The following TRPC7 variants were observed in gnomAD, a reference collection of about 807,000 sequenced individuals.
The protein encoded by TRPC7 is transient receptor potential cation channel subfamily C member 7, also known as short transient receptor potential channel 7.
TRPC7 carries 42 observed loss-of-function variants against 90.1 expected under a neutral mutation model. The ratio of observed to expected loss-of-function variants is 0.47; its 90% confidence interval spans 0.36 to 0.60. The LOEUF is 0.60. Ranked by LOEUF, TRPC7 falls within the 20% of genes least tolerant of loss-of-function variation. TRPC7 has a pLI of 0.00. For synonymous variants in TRPC7, 451 were observed against 436.3 expected (o/e 1.03, Z -0.42); for missense variants, 955 against 1,112.3 (o/e 0.86, Z 2.01).
Position 136,315,666 on chromosome 5 carries a change from T to C in TRPC7, c.894A>G (p.Gln298=). The change falls in exon 3 of 12, where the codon CAA becomes CAG. Residue 298 remains glutamine (Q), a synonymous_variant. Transcript: ENST00000513104. ...EAILNGDVNF[Q]VWSDHHRPSL... is the part of the protein sequence containing the mutation. The stretch of plus-strand genomic sequence containing the variant: ...TTGGACGGTGGTGGTCGGACCAGAC[T>C]TGGAAGTTCACATCACCGTTTAAAA... The C allele has an allele frequency of 6.2e-7, 1 of 1,613,908 alleles. No individual in the cohort carries two copies. The highest frequency in any genetic ancestry group is 2.2e-5 in the East Asian group (1 of 44,872).
At chr5:136,234,863 A>G (rs1041812667) in intron 7 of TRPC7, among the ~76,000 whole-genome samples, 2 of 152,152 alleles carry the variant, frequency 1.3e-5, no homozygotes, top group Non-Finnish European at 2.9e-5. Context: ...TTGTTATTAG[A>G]GGGCACCTTA....
intron 2 of TRPC7, among the ~76,000 whole-genome samples, chr5:136,351,265 C>G (rs1760185418): frequency 6.6e-6 from 1 of 152,176 alleles, no homozygotes; most frequent in South Asian, 2.1e-4. Context: ...CTTACACACA[C>G]AGGCACACAT....
chr5:136,348,064 T>C (rs1443285154), intron 2 of TRPC7, among the ~76,000 whole-genome samples: 1 of 152,230 alleles, frequency 6.6e-6, no homozygotes, highest in Non-Finnish European at 1.5e-5. Flanking sequence ...TACATAGGCC[T>C]TCCAACTCTT....
chr5:136,317,448 T>A (rs921714163), intron 2 of TRPC7, among the ~76,000 whole-genome samples: 6 of 152,198 alleles, frequency 3.9e-5, no homozygotes, highest in African/African-American at 1.2e-4. Context: ...TGCACAAGGC[T>A]AAGTGAAACT....
chr5:136,340,232 C>T (rs568143767), intron 2 of TRPC7, among the ~76,000 whole-genome samples: 1 of 152,072 alleles, frequency 6.6e-6, no homozygotes, highest in Non-Finnish European at 1.5e-5. Flanking sequence ...ACAAATACCA[C>T]ATGATTTTAT....
intron 3 of TRPC7, among the ~76,000 whole-genome samples, chr5:136,278,540 C>A (rs1450117304): frequency 1.3e-5 from 2 of 152,216 alleles, no homozygotes; most frequent in East Asian, 3.8e-4. Context: ...TTTATTTTCA[C>A]TGTAGAAGTG....
intron 3 of TRPC7, among the ~76,000 whole-genome samples, chr5:136,302,433 AC>A (rs1758433995): frequency 6.6e-6 from 1 of 151,274 alleles, no homozygotes; most frequent in African/African-American, 2.4e-5. Flanking sequence ...GGGGACAAGA[AC>A]CCCCAATCCC....
intron 7 of TRPC7, among the ~76,000 whole-genome samples, chr5:136,235,820 G>A (rs138970785): frequency 7.9e-5 from 12 of 152,284 alleles, no homozygotes; most frequent in Non-Finnish European, 1.5e-4. Flanking sequence ...ACCCTAGCTA[G>A]TTATAAAGTT....
At chr5:136,224,668 CATT>C (rs547835562) in intron 10 of TRPC7, among the ~76,000 whole-genome samples, 324 of 152,338 alleles carry the variant, frequency 2.1e-3, no homozygotes, top group Non-Finnish European at 3.7e-3. Flanking sequence ...TGTCTCTTCT[CATT>C]ATAGCAGTTA....
chr5:136,340,442 CTT>C (rs1204117767), intron 2 of TRPC7, among the ~76,000 whole-genome samples: 2 of 151,894 alleles, frequency 1.3e-5, no homozygotes, highest in African/African-American at 4.8e-5. Context: ...AAAAAAAGGA[CTT>C]TAAGTATTTT....
chr5:136,356,499 C>G (rs1326177618), intron 2 of TRPC7, 109 bp downstream of exon 2: 1 of 1,191,500 alleles, frequency 8.4e-7, no homozygotes, highest in African/African-American at 1.5e-5. Context: ...TCAGTAAGAT[C>G]CTGAAGCTTC....
chr5:136,292,964 T>C (rs1268614377), intron 3 of TRPC7, among the ~76,000 whole-genome samples: 1 of 152,190 alleles, frequency 6.6e-6, no homozygotes, highest in African/African-American at 2.4e-5. Context: ...GTGGGCTTCA[T>C]CCCTGGGATG....
At chr5:136,222,189 A>T (rs754308193) in intron 10 of TRPC7, 2 of 152,208 alleles carry the variant, frequency 1.3e-5, no homozygotes, top group Non-Finnish European at 2.9e-5. Context: ...CTGAAGTCTG[A>T]AGGAGCTGTC....
intron 2 of TRPC7, 139 bp downstream of exon 2, chr5:136,356,469 C>A (rs1040788468): frequency 2.3e-6 from 2 of 853,554 alleles, no homozygotes; most frequent in African/African-American, 3.4e-5. Context: ...AGATGTGTTC[C>A]CCTCCTCCCC....
intron 3 of TRPC7, among the ~76,000 whole-genome samples, chr5:136,286,160 C>T (rs187607105): frequency 1.3e-5 from 2 of 152,252 alleles, no homozygotes; most frequent in East Asian, 3.9e-4. Context: ...CTCTTTGATT[C>T]CACAGCGTAC....
intron 4 of TRPC7, among the ~76,000 whole-genome samples, chr5:136,269,091 A>G (rs889093402): frequency 6.6e-6 from 1 of 152,228 alleles, no homozygotes; most frequent in Non-Finnish European, 1.5e-5. Flanking sequence ...TGGGTCAGGT[A>G]TCAGCGTTAG....
chr5:136,298,123 T>C (rs998971199), intron 3 of TRPC7, among the ~76,000 whole-genome samples: 9 of 152,204 alleles, frequency 5.9e-5, no homozygotes, highest in Admixed American at 2.0e-4. Context: ...CAAATGATAT[T>C]CACTGGGATA....
At chr5:136,272,603 A>G (rs1757242197) in intron 4 of TRPC7, among the ~76,000 whole-genome samples, 1 of 152,074 alleles carries the variant, frequency 6.6e-6, no homozygotes, top group Non-Finnish European at 1.5e-5. Context: ...TCAGACTTGG[A>G]ATCTAGAAAG....
At position 136,225,990 on chromosome 5, in the gene TRPC7, C is replaced by G. The variant is rs762658003; in HGVS notation, c.2262+44G>C. On this transcript the variant is annotated intron_variant, in intron 9 of 11. Coordinates refer to ENST00000513104, the MANE Select transcript of TRPC7 (RefSeq NM_020389.3). The stretch of plus-strand genomic sequence containing the variant: ...AAACACACTCTAGACTCGCCTGCCC[C>G]CTCCTGCTGCCTTCTCCAGCCTCAT... 1.3e-5 allele frequency: 20 copies of G among 1,516,822 alleles called. No homozygotes were observed. In the Admixed American group the frequency reaches 3.9e-4, roughly 30 times the overall value. 94.0% of individuals were successfully genotyped at this position (1,516,822 alleles called of 1,614,324 possible).
Sources: allele counts gnomAD v4.1 joint callset (sites outside exome capture counted in the v4.1 genomes callset), GRCh38; gene constraint gnomAD v4.1.1; transcripts MANE v1.5; gene names NCBI Gene and HGNC (gene_info 2026-07-23, HGNC 2026-07-21).